Variants in TRPM1 observed in about 807,000 individuals in gnomAD.
TRPM1 encodes the protein TRPM1-203 APA Isoform, Intron 10.
TRPM1 carries 113 observed loss-of-function variants against 149.4 expected under a neutral mutation model. The observed-to-expected ratio is 0.76, with a 90% CI of 0.65 to 0.88. The LOEUF (loss-of-function observed/expected upper bound fraction) is 0.88. Ranked by LOEUF, TRPM1 falls within the 40% of genes least tolerant of loss-of-function variation. The probability of loss-of-function intolerance (pLI) is 0.00; values close to 1 mark genes in which losing one functional copy is unlikely to be tolerated. For missense variants in TRPM1, 1,976 were observed against 2,038.7 expected (o/e 0.97, Z 0.59); for synonymous variants, 741 against 759.5 (o/e 0.98, Z 0.40).
chr15:31,070,068 A>G lies in TRPM1; in HGVS notation c.242T>C (p.Leu81Pro). 2.5e-6 allele frequency: 4 copies of G among 1,614,214 alleles called. No homozygotes were observed. The highest frequency in any genetic ancestry group is 3.4e-6 in the Non-Finnish European group (4 of 1,180,042). The change falls in exon 4 of 28, where the codon CTT becomes CCT. Residue 81 changes from leucine (L) to proline (P), a missense_variant. Physicochemically the swap from Leu to Pro is moderately conservative, Grantham distance 98. Coordinates refer to ENST00000256552, the MANE Select transcript of TRPM1 (RefSeq NM_001252024.2). The stretch of plus-strand genomic sequence containing the variant: ...GGAATATCCGCCACCCTGGAATTCA[A>G]GAACTCCATAGGAATCTGTTGGGTA... ...QSYPTDSYGVLEFQGGGYSNK... is the reference protein window; with the variant it reads ...QSYPTDSYGVPEFQGGGYSNK...
chr15:31,016,962 T>TACACAC (rs36176052), intron 27 of TRPM1, among the ~76,000 whole-genome samples: 2 of 89,414 alleles, frequency 2.2e-5, no homozygotes, highest in Non-Finnish European at 5.1e-5. Flanking sequence ...AAACCTGGCG[T>TACACAC]ACACACACAC....
Position 31,037,809 on chromosome 15 carries a change from C to T in TRPM1, c.2473G>A (p.Asp825Asn), listed in dbSNP as rs771110434. The change falls in exon 20 of 28, where the codon GAT becomes AAT. Residue 825 changes from aspartate (D) to asparagine (N), a missense_variant. Asp to Asn is a conservative substitution (Grantham distance 23). This residue lies in a region of TRPM1 where 1,332 missense variants were observed against 1,347.1 expected (regional missense o/e 0.99). Transcript: ENST00000256552. ...TGTTTTTTGTGCTCGTTCTCCTCATCCCCCTTTCTTGAGCCAGCATCTGCA... is the reference window on the plus strand; with the variant it reads ...TGTTTTTTGTGCTCGTTCTCCTCATTCCCCTTTCTTGAGCCAGCATCTGCA... ...ANADAGSRKG[D>N]EENEHKKQRS... The T allele has an allele frequency of 1.2e-6, 2 of 1,614,206 alleles. No individual in the cohort carries two copies. The highest frequency in any genetic ancestry group is 1.3e-5 in the African/African-American group (1 of 75,062).
intron 11 of TRPM1, chr15:31,060,132 T>C (rs899813736): frequency 3.0e-6 from 1 of 330,886 alleles, no homozygotes; most frequent in Non-Finnish European, 5.7e-6. Context: ...GACACACACA[T>C]AGACACACAC....
In TRPM1 at chr15:31,035,649, A is replaced by G. The variant is rs878935896; in HGVS notation, c.2597T>C (p.Leu866Pro). 4 of 1,614,250 alleles carry G rather than the reference A, an allele frequency of 2.5e-6. No homozygotes were observed. The South Asian group carries it at 4.4e-5, about 18-fold the overall frequency. The change falls in exon 21 of 28, where the codon CTG becomes CCG. Residue 866 changes from leucine to proline, a missense_variant. This residue lies in a region of TRPM1 where 1,332 missense variants were observed against 1,347.1 expected (regional missense o/e 0.99). Coordinates refer to ENST00000256552, the MANE Select transcript of TRPM1 (RefSeq NM_001252024.2). ...YTISYLGYLL[L>P]FNYVILVRMD... The stretch of plus-strand genomic sequence containing the variant: ...CCGCACCAGGATGACGTAGTTAAAC[A>G]GCAGCAGGTAGCCCAAGTATGATAT...
chr15:31,106,536 G>A (rs2035609775), upstream of TRPM1, among the ~76,000 whole-genome samples: 1 of 152,170 alleles, frequency 6.6e-6, no homozygotes, highest in Non-Finnish European at 1.5e-5. Context: ...CACAAAGATG[G>A]TAGAGGACTT....
chr15:31,037,925 A>G, intron 19 of TRPM1, 83 bp from the exon 20 acceptor site: 1 of 1,612,682 alleles, frequency 6.2e-7, no homozygotes, highest in Non-Finnish European at 8.5e-7. Context: ...ACCATTAGAA[A>G]AACACAATTC....
At chr15:31,133,087 C>T (rs1310123295) in intron 1 of TRPM1, among the ~76,000 whole-genome samples, 1 of 152,198 alleles carries the variant, frequency 6.6e-6, no homozygotes, top group Non-Finnish European at 1.5e-5. Flanking sequence ...TTCAGACAGT[C>T]TCTGTGACCC....
At chr15:31,034,702 T>C (rs1462573169) in intron 21 of TRPM1, among the ~76,000 whole-genome samples, 2 of 152,216 alleles carry the variant, frequency 1.3e-5, no homozygotes, top group East Asian at 1.9e-4. Flanking sequence ...TCCTGTAACT[T>C]TGGGCTTTGG....
At chr15:31,102,460 G>A (rs545213240), upstream of TRPM1, among the ~76,000 whole-genome samples, 4 of 152,208 alleles carry the variant, frequency 2.6e-5, no homozygotes, top group African/African-American at 4.8e-5. Flanking sequence ...GGCATTGTCC[G>A]CCTCCCGCTT....
chr15:31,032,284 C>T (rs959714377), intron 22 of TRPM1, among the ~76,000 whole-genome samples: 1 of 151,736 alleles, frequency 6.6e-6, no homozygotes, highest in Non-Finnish European at 1.5e-5. Flanking sequence ...AATAATAAAT[C>T]AGAAGGAATA....
intron 7 of TRPM1, among the ~76,000 whole-genome samples, chr15:31,065,430 C>A (rs2034344823): frequency 1.3e-5 from 2 of 152,222 alleles, no homozygotes; most frequent in Admixed American, 6.5e-5. Flanking sequence ...TTAAGAATTA[C>A]TGGAGTATAA....
upstream of TRPM1, among the ~76,000 whole-genome samples, chr15:31,103,924 G>C (rs2035562771): frequency 6.6e-6 from 1 of 152,134 alleles, no homozygotes; most frequent in Non-Finnish European, 1.5e-5. Flanking sequence ...CTGTTGGGCG[G>C]TGTTGAGCTG....
chr15:31,100,813 T>G (rs1165813122), intron 1 of TRPM1, among the ~76,000 whole-genome samples: 4 of 152,330 alleles, frequency 2.6e-5, no homozygotes, highest in Admixed American at 2.6e-4. Flanking sequence ...AGACCATGAT[T>G]GATGTGTCCA....
At chr15:31,128,481 A>G (rs1435066247) in intron 1 of TRPM1, among the ~76,000 whole-genome samples, 1 of 152,184 alleles carries the variant, frequency 6.6e-6, no homozygotes, top group Non-Finnish European at 1.5e-5. Context: ...CACACCCCAT[A>G]TCGCCAGGAG....
intron 27 of TRPM1, among the ~76,000 whole-genome samples, chr15:31,005,869 G>T (rs1004188447): frequency 6.6e-6 from 1 of 152,120 alleles, no homozygotes; most frequent in African/African-American, 2.4e-5. Context: ...ACAAAGAGTG[G>T]TTTCCATTTC....
In TRPM1 at chr15:31,066,075, C is replaced by T. The variant is rs748384670; in HGVS notation, c.790+1G>A. The stretch of plus-strand genomic sequence containing the variant: ...GACTGCGTGCCTTTGCCAGCACTTA[C>T]TTGTGTTGATCTTCTGCAGGGAGAT... On this transcript the variant is annotated splice_donor_variant, in intron 7 of 27. Transcript: ENST00000256552. LOFTEE classifies it high-confidence loss of function. 1.2e-6 allele frequency: 2 copies of T among 1,613,924 alleles called. No homozygotes were observed. Among genetic ancestry groups the T allele is most frequent in the South Asian group, 1.1e-5 (1 of 91,076 alleles).
intron 27 of TRPM1, among the ~76,000 whole-genome samples, chr15:31,012,095 G>C (rs2032206155): frequency 6.6e-6 from 1 of 152,196 alleles, no homozygotes; most frequent in African/African-American, 2.4e-5. Context: ...GATTTGTAAT[G>C]ATTGCTTTAT....
Position 31,002,979 on chromosome 15 carries a change from G to A in TRPM1, c.3721C>T (p.Gln1241Ter). The change falls in exon 28 of 28, where the codon CAG becomes TAG. Residue 1241 changes from glutamine to a stop codon, truncating the protein, a stop_gained. Transcript: ENST00000256552. LOFTEE classifies it low-confidence loss of function (END_TRUNC). ...ATTCTGTTAGATAATTCTTCTAGCT[G>A]AGCAAGTCGAAGGTCAACAGTCTGC... ...SLQTVDLRLAQLEELSNRMVN... is the reference protein window; with the variant it reads ...SLQTVDLRLA The A allele has an allele frequency of 1.3e-6, 2 of 1,595,362 alleles. No individual in the cohort carries two copies. Among genetic ancestry groups the A allele is most frequent in the Non-Finnish European group, 1.7e-6 (2 of 1,171,906 alleles).
rs1255993030 is a variant in TRPM1 at position 31,060,592 on chromosome 15, G to A, written c.1215C>T (p.Arg405=). The A allele has an allele frequency of 4.3e-6, 7 of 1,614,126 alleles. No individual in the cohort carries two copies. The highest frequency in any genetic ancestry group is 2.7e-5 in the African/African-American group (2 of 74,936). ...DQLSLALAWN[R]VDIARSQIFV... is the part of the protein sequence containing the mutation. ...AGATCTGGCTTCGTGCTATGTCCAC[G>A]CGGTTCCAAGCCAGTGCCAAGCTCA... Residue 405 remains arginine, a synonymous_variant, in exon 11 of 28, where the codon CGC becomes CGT. Transcript: ENST00000256552.
Sources: allele counts gnomAD v4.1 joint callset (sites outside exome capture counted in the v4.1 genomes callset), GRCh38; gene constraint gnomAD v4.1.1; regional missense constraint gnomAD v4.1.1; transcripts MANE v1.5; gene names NCBI Gene and HGNC (gene_info 2026-07-23, HGNC 2026-07-21).